Variants in TENM3 observed in about 807,000 individuals in gnomAD.
TENM3 encodes the protein teneurin transmembrane protein 3.
Under a neutral mutation model 255.1 loss-of-function variants are expected in TENM3, and 63 were observed. The ratio of observed to expected loss-of-function variants is 0.25; its 90% CI spans 0.20 to 0.30. The LOEUF (loss-of-function observed/expected upper bound fraction) is 0.30. Among genes scored for constraint, TENM3 ranks in the 10% least tolerant of loss-of-function variants. The probability of loss-of-function intolerance (pLI) is 1.00; values close to 1 mark genes in which losing one functional copy is unlikely to be tolerated. For missense variants in TENM3, 2,929 were observed against 3,461.1 expected, an observed-to-expected ratio of 0.85 and a Z score of 3.86; for synonymous variants, 1,306 against 1,322.3, an observed-to-expected ratio of 0.99 and a Z score of 0.27.
chr4:182,550,128 G>A (rs1360394566), intron 3 of TENM3, among the ~76,000 whole-genome samples: 3 of 152,294 alleles, frequency 2.0e-5, no homozygotes, highest in Non-Finnish European at 4.4e-5. Context: ...ATAAAATTAT[G>A]TGGAAAGTTT....
rs762365565 is a variant in TENM3 at position 182,800,094 on chromosome 4, G to C, written c.7843G>C (p.Glu2615Gln). The C allele has an allele frequency of 2.5e-6, 4 of 1,585,096 alleles. No homozygotes were observed. The Admixed American group carries it at 7.2e-5, about 29-fold the overall frequency. The change falls in exon 28 of 28, where the codon GAG becomes CAG. Residue 2615 changes from glutamate (E) to glutamine (Q), a missense_variant. By Grantham distance (29) the Glu-to-Gln change is conservative. Around this residue, in one of 6 missense-constraint regions of TENM3, gnomAD observed 476 missense variants for 480.1 expected, o/e 0.99. Transcript: ENST00000511685. ...CGTGCGCTACGGCATGACCCTGGAC[G>C]AGGAGAAGGCGCGCATCCTGGAGCA... Reference protein sequence around the residue: ...LHVRYGMTLDEEKARILEQAR... With the variant: ...LHVRYGMTLDQEKARILEQAR...
the TENM3 span, among the ~76,000 whole-genome samples, chr4:181,452,875 A>G: frequency 6.6e-6 from 1 of 152,198 alleles, no homozygotes; most frequent in Non-Finnish European, 1.5e-5. Flanking sequence ...AAGTATTTGT[A>G]TGAAGGAAGA....
chr4:181,693,796 A>C, the TENM3 span, among the ~76,000 whole-genome samples: 1 of 152,186 alleles, frequency 6.6e-6, no homozygotes, highest in Admixed American at 6.5e-5. Flanking sequence ...TACATGGAGC[A>C]GAGAGGATAA....
At chr4:181,558,376 A>G in the TENM3 span, among the ~76,000 whole-genome samples, 1 of 152,228 alleles carries the variant, frequency 6.6e-6, no homozygotes, top group African/African-American at 2.4e-5. Context: ...AAAACCCACT[A>G]TTGATGTGAT....
the TENM3 span, among the ~76,000 whole-genome samples, chr4:181,688,953 G>A: frequency 6.6e-6 from 1 of 152,178 alleles, no homozygotes; most frequent in Admixed American, 6.5e-5. Context: ...TTCCCTCAGA[G>A]TGAGGATATA....
intron 7 of TENM3, 62 bp from the exon 8 acceptor site, chr4:182,679,604 A>G: frequency 2.2e-6 from 3 of 1,360,412 alleles, no homozygotes; most frequent in African/African-American, 2.9e-5. Context: ...GAAGAGAAAA[A>G]AAAAAAGAGA....
intron 3 of TENM3, among the ~76,000 whole-genome samples, chr4:182,489,466 G>T (rs573216882): frequency 1.6e-3 from 237 of 152,154 alleles, no homozygotes; most frequent in African/African-American, 5.7e-3. Flanking sequence ...AATATTCAGG[G>T]TTTGTGTGGA....
At position 182,773,921 on chromosome 4, in the gene TENM3, C is replaced by T. The variant is rs17074061; in HGVS notation, c.5068+274C>T. On this transcript the variant is annotated intron_variant, in intron 23 of 27. Coordinates refer to ENST00000511685, the MANE Select transcript of TENM3 (RefSeq NM_001080477.4). ...CATTCCAGCCCTTCACATGCATCAT[C>T]AGGCGATTTTTGCATCACCTAAGAG... The T allele has an allele frequency of 0.014, 3,749 of 264,906 alleles. 153 individuals carry two copies. Among genetic ancestry groups the T allele is most frequent in the Admixed American group, 0.086 (1,613 of 18,842 alleles). 16.4% of individuals were successfully genotyped at this position (264,906 alleles called of 1,614,324 possible). A position where few individuals can be genotyped will look rare whatever the true frequency, so the allele number is the denominator to read the frequency against.
At chr4:182,165,257 A>C (rs74718257) in intron 1 of TENM3, among the ~76,000 whole-genome samples, 4,754 of 152,166 alleles carry the variant, frequency 0.031, 121 homozygotes, top group Middle Eastern at 0.048. Flanking sequence ...TTATTTCATT[A>C]TTTTCGGAGT....
the TENM3 span, among the ~76,000 whole-genome samples, chr4:181,732,845 G>A: frequency 6.6e-6 from 1 of 152,144 alleles, no homozygotes; most frequent in Non-Finnish European, 1.5e-5. Flanking sequence ...AGCATTTTAA[G>A]AACCACTAAA....
chr4:182,161,266 A>C (rs1579549581), intron 1 of TENM3, among the ~76,000 whole-genome samples: 1 of 139,376 alleles, frequency 7.2e-6, no homozygotes, highest in African/African-American at 2.7e-5. Flanking sequence ...AATACAAAAA[A>C]TTAGCCGGGC....
At chr4:182,532,666 T>G (rs1414304677) in intron 3 of TENM3, among the ~76,000 whole-genome samples, 2 of 152,166 alleles carry the variant, frequency 1.3e-5, no homozygotes, top group East Asian at 3.9e-4. Flanking sequence ...TTTTGTACAG[T>G]ACTCAAAATG....
intron 1 of TENM3, among the ~76,000 whole-genome samples, chr4:182,160,495 A>C (rs1412137878): frequency 6.6e-6 from 1 of 152,356 alleles, no homozygotes; most frequent in East Asian, 1.9e-4. Flanking sequence ...ATTACAAGAC[A>C]AACTTGAATA....
chr4:181,792,417 C>T, the TENM3 span, among the ~76,000 whole-genome samples: 2 of 152,080 alleles, frequency 1.3e-5, no homozygotes, highest in East Asian at 3.9e-4. Context: ...TCATGAATTA[C>T]GCTTAACTCA....
intron 3 of TENM3, among the ~76,000 whole-genome samples, chr4:182,393,802 A>G (rs558375416): frequency 2.0e-5 from 3 of 152,286 alleles, no homozygotes; most frequent in African/African-American, 7.2e-5. Context: ...GATTGCTGGC[A>G]TGTTCATCAT....
intron 12 of TENM3, among the ~76,000 whole-genome samples, chr4:182,700,977 G>A (rs1332219511): frequency 6.6e-6 from 1 of 151,846 alleles, no homozygotes; most frequent in African/African-American, 2.4e-5. Context: ...TGTAGAGCTC[G>A]CCTGCAGCTC....
At chr4:181,972,147 TGTG>T in the TENM3 span, among the ~76,000 whole-genome samples, 2 of 151,894 alleles carry the variant, frequency 1.3e-5, no homozygotes, top group East Asian at 1.9e-4. Flanking sequence ...ACGGGCCAGA[TGTG>T]GTGACTCACA....
the TENM3 span, among the ~76,000 whole-genome samples, chr4:181,572,642 A>G: frequency 6.6e-6 from 1 of 152,186 alleles, no homozygotes; most frequent in Non-Finnish European, 1.5e-5. Context: ...TATGGGGTAC[A>G]TGAAATACTC....
At chr4:181,885,493 C>A in the TENM3 span, among the ~76,000 whole-genome samples, 2 of 152,072 alleles carry the variant, frequency 1.3e-5, no homozygotes, top group Non-Finnish European at 2.9e-5. Flanking sequence ...AATCTCTTGA[C>A]CTCGTGATCT....
Sources: gnomAD v4.1 joint callset for allele counts (sites outside exome capture counted in the v4.1 genomes callset) on GRCh38, gnomAD v4.1.1 for gene constraint, gnomAD v4.1.1 regional missense constraint, MANE v1.5 for transcripts, NCBI Gene and HGNC (gene_info 2026-07-23, HGNC 2026-07-21) for gene names.